Variants in CFAP46 observed in about 807,000 individuals in gnomAD.
CFAP46 encodes the protein cilia and flagella associated protein 46.
In CFAP46, 245 loss-of-function variants were observed where a neutral mutation model predicts 325.7. The ratio of observed to expected loss-of-function variants is 0.75; its 90% confidence interval spans 0.68 to 0.84. CFAP46 has a LOEUF of 0.84. Ranked by LOEUF, CFAP46 falls within the 40% of genes least tolerant of loss-of-function variation. CFAP46 has a pLI of 0.00. For synonymous variants in CFAP46, 1,523 were observed against 1,495.9 expected (o/e 1.02, Z -0.42); for missense variants, 3,346 against 3,543.0 (o/e 0.94, Z 1.41).
rs76677206 is a variant in CFAP46, at chr10:132,810,504, TCCC to T, written c.7584-18_7584-16del. 20,842 of 1,611,808 alleles carry T rather than the reference TCCC, an allele frequency of 0.013. 185 individuals are homozygous for T. The highest frequency in any genetic ancestry group is 0.015 in the Non-Finnish European group (17,466 of 1,178,530). Reference sequence around the variant, plus strand: ...GGCCAACAGATCTAGGGGAGAAACGTCCCCTCAGGAGGGCATGGACACCCTGGC... The same window carrying T: ...GGCCAACAGATCTAGGGGAGAAACGTCTCAGGAGGGCATGGACACCCTGGC... On this transcript the variant is annotated splice_polypyrimidine_tract_variant and intron_variant, in intron 56 of 57. Transcript: ENST00000368586.
Position 132,835,165 on chromosome 10 carries a change from C to T in CFAP46, c.6744+139G>A, listed in dbSNP as rs1848219369. On this transcript the variant is annotated intron_variant, in intron 47 of 57. Coordinates refer to ENST00000368586, the MANE Select transcript of CFAP46 (RefSeq NM_001200049.3). ...GCTTGGCCTGGGAGTTGGGCAGTGCCCGGGTGTTGGGATGGCCCAAGCCCT... is the reference window on the plus strand; with the variant it reads ...GCTTGGCCTGGGAGTTGGGCAGTGCTCGGGTGTTGGGATGGCCCAAGCCCT... 91 of 1,193,554 alleles carry T rather than the reference C, an allele frequency of 7.6e-5. 1 individual carries two copies. The South Asian group carries it at 1.4e-3, about 19-fold the overall frequency. 73.9% of individuals were successfully genotyped at this position (1,193,554 alleles called of 1,614,324 possible).
intron 22 of CFAP46, among the ~76,000 whole-genome samples, chr10:132,903,035 A>G (rs1239476515): frequency 6.9e-6 from 1 of 145,020 alleles, no homozygotes; most frequent in Non-Finnish European, 1.5e-5. Flanking sequence ...CACAGCTCCA[A>G]CTTCTCTCAC....
intron 11 of CFAP46, 84 bp from the exon 12 acceptor site, chr10:132,922,792 C>T: frequency 9.1e-7 from 1 of 1,099,424 alleles, no homozygotes; most frequent in Non-Finnish European, 1.3e-6. Context: ...GGAAGGCCTG[C>T]AGTGGCCCCA....
Position 132,808,592 on chromosome 10 carries a change from TG to T in CFAP46, c.7976del (p.Ala2659GlufsTer41), listed in dbSNP as rs1847509676. 3.7e-6 allele frequency: 6 copies of T among 1,612,524 alleles called. No homozygotes were observed. The highest frequency in any genetic ancestry group is 5.1e-6 in the Non-Finnish European group (6 of 1,179,728). On this transcript the variant is annotated frameshift_variant, in exon 58 of 58. Transcript: ENST00000368586. LOFTEE classifies it low-confidence loss of function (END_TRUNC). This position sits in a 1 kb window ranked among gnomAD's most constrained non-coding sequence, Gnocchi z 6.8. ...AGGCAGAGCTCGAGGTCCAGGCGGC[TG>T]CCTTGCGGGAAGTCGCTGGGGGAGG... ...RDPPPATSRK[A>X]AAWTSSSACL...
intron 57 of CFAP46, among the ~76,000 whole-genome samples, chr10:132,809,203 A>C (rs1174156253): frequency 6.6e-6 from 1 of 152,096 alleles, no homozygotes; most frequent in Non-Finnish European, 1.5e-5. Context: ...GCCCGTCTAG[A>C]GTGTGGCTGC....
At chr10:132,891,273 C>T (rs1265414735) in intron 25 of CFAP46, among the ~76,000 whole-genome samples, 7 of 152,202 alleles carry the variant, frequency 4.6e-5, no homozygotes, top group Middle Eastern at 3.2e-3. Context: ...GCCCTCCTCT[C>T]GGCCAAGGGC....
At position 132,920,309 on chromosome 10, in the gene CFAP46, T is replaced by C. The variant is rs143839579; in HGVS notation, c.1607-127A>G. The C allele has an allele frequency of 1.4e-3, 1,680 of 1,195,576 alleles. 30 individuals are homozygous for C. The African/African-American group carries it at 0.024, about 17-fold the overall frequency. The allele number at this position is 1,195,576 out of a possible 1,614,324, so 74.1% of individuals were successfully genotyped here. The stretch of plus-strand genomic sequence containing the variant: ...CCACAGGTAGCGGCTCCAGGGGCCC[T>C]AGATCCCCGGCTCCCAGAAGCCGAG... On this transcript the variant is annotated intron_variant, in intron 13 of 57. Coordinates refer to ENST00000368586, the MANE Select transcript of CFAP46 (RefSeq NM_001200049.3).
At chr10:132,856,047 T>C (rs758669630) in intron 39 of CFAP46, among the ~76,000 whole-genome samples, 1 of 152,198 alleles carries the variant, frequency 6.6e-6, no homozygotes, top group Non-Finnish European at 1.5e-5. Context: ...AGCTCTCGAG[T>C]GTTTGGAGAA....
intron 50 of CFAP46, among the ~76,000 whole-genome samples, chr10:132,824,926 G>GTGT (rs1848009039): frequency 7.2e-6 from 1 of 139,698 alleles, no homozygotes; most frequent in South Asian, 2.4e-4. Context: ...TGTGTGTGCT[G>GTGT]CTTGTGTGTG....
At chr10:132,812,735 G>C (rs765232354) in intron 55 of CFAP46, 50 bp downstream of exon 55, 1 of 1,405,810 alleles carries the variant, frequency 7.1e-7, no homozygotes, top group East Asian at 2.3e-5. Flanking sequence ...CCCTCAGGCG[G>C]GTTTGTCCTG....
rs143487876 is a variant in CFAP46 at position 132,816,231 on chromosome 10, G to A, written c.7118-1317C>T. Among the ~76,000 whole-genome samples the A allele has an allele frequency of 4.7e-3, 706 of 151,396 alleles. 9 individuals are homozygous for A. Among genetic ancestry groups the A allele is most frequent in the African/African-American group, 0.016 (652 of 41,166 alleles). On this transcript the variant is annotated intron_variant, in intron 50 of 57. Transcript: ENST00000368586. ...TGTCTTTCCGTTTCTGGCGTTCTCG[G>A]TTGCTCTTCTCTGTGGCATCTCTGT... is the stretch of plus-strand genomic sequence containing the variant.
chr10:132,854,907 A>C (rs1848618273), intron 39 of CFAP46, among the ~76,000 whole-genome samples: 1 of 129,400 alleles, frequency 7.7e-6, no homozygotes, highest in Admixed American at 9.3e-5. Flanking sequence ...ATATAACTTA[A>C]ATCTTTTAAA....
intron 22 of CFAP46, among the ~76,000 whole-genome samples, chr10:132,905,533 T>C (rs1252880929): frequency 6.6e-6 from 1 of 151,522 alleles, no homozygotes; most frequent in South Asian, 2.1e-4. Flanking sequence ...GTATGGGAAG[T>C]ACACTCTCTG....
At chr10:132,911,015 A>T (rs1849533248) in intron 19 of CFAP46, among the ~76,000 whole-genome samples, 1 of 152,120 alleles carries the variant, frequency 6.6e-6, no homozygotes, top group Non-Finnish European at 1.5e-5. Context: ...TCCTCTCAGC[A>T]TCTGGATCCA....
At chr10:132,903,558 G>A (rs1430337160) in intron 22 of CFAP46, among the ~76,000 whole-genome samples, 1 of 152,198 alleles carries the variant, frequency 6.6e-6, no homozygotes, top group East Asian at 1.9e-4. Flanking sequence ...GCCCACTTCC[G>A]ATATTTCCTT....
In CFAP46 at chr10:132,828,808, AG is replaced by A. The variant is rs1424904295; in HGVS notation, c.7117+4549del. Among the ~76,000 whole-genome samples the A allele has an allele frequency of 2.0e-5, 3 of 152,106 alleles. No homozygotes were observed. The highest frequency in any genetic ancestry group is 7.2e-5 in the African/African-American group (3 of 41,384). ...TGTTTCGTTCTGCACTTGGACGTCC[AG>A]GGACTGCAGCCACTCATGGAGATGC... On this transcript the variant is annotated intron_variant, in intron 50 of 57. Coordinates refer to ENST00000368586, the MANE Select transcript of CFAP46 (RefSeq NM_001200049.3). The surrounding 1 kb of genome is among the most constrained non-coding windows in gnomAD (Gnocchi z 4.9).
chr10:132,835,534 GA>G (rs1848226615), intron 46 of CFAP46, 100 bp from the exon 47 acceptor site: 7 of 1,463,786 alleles, frequency 4.8e-6, no homozygotes, highest in Non-Finnish European at 6.5e-6. Context: ...TGTCCCACAG[GA>G]AAGGCTGCAT....
Position 132,885,970 on chromosome 10 carries a change from G to A in CFAP46, c.3305-11C>T, listed in dbSNP as rs750765446. On this transcript the variant is annotated splice_polypyrimidine_tract_variant and intron_variant, in intron 25 of 57. Coordinates refer to ENST00000368586, the MANE Select transcript of CFAP46 (RefSeq NM_001200049.3). ...GGTCGTCCTCAGCCCCTGGGAGGGA[G>A]AAGGAGGGGTGTCCTTGGAGCCGCC... 9.5e-5 allele frequency: 147 copies of A among 1,548,910 alleles called. 2 individuals carry two copies. The South Asian group carries it at 1.6e-3, about 17-fold the overall frequency.
intron 17 of CFAP46, among the ~76,000 whole-genome samples, chr10:132,914,909 G>A (rs1849613056): frequency 6.6e-6 from 1 of 152,246 alleles, no homozygotes; most frequent in African/African-American, 2.4e-5. Flanking sequence ...TTCTGCCCAA[G>A]TGAGCGTCTC....
Sources: gnomAD v4.1 joint callset for allele counts (sites outside exome capture counted in the v4.1 genomes callset) on GRCh38, gnomAD v4.1.1 for gene constraint, Gnocchi (gnomAD v3.1) non-coding constraint, MANE v1.5 for transcripts, NCBI Gene and HGNC (gene_info 2026-07-23, HGNC 2026-07-21) for gene names.